The following NCKAP5 variants were observed in gnomAD, a reference collection of about 807,000 sequenced individuals.
NCKAP5 encodes the protein NCK associated protein 5.
A neutral mutation model predicts 167.0 loss-of-function variants in NCKAP5; 92 were observed. That is an observed-to-expected ratio of 0.55 (90% CI 0.47 to 0.66). NCKAP5 has a LOEUF of 0.66. Among genes scored for constraint, NCKAP5 ranks in the 30% least tolerant of loss-of-function variants. The probability of loss-of-function intolerance (pLI) is 0.00; values close to 1 mark genes in which losing one functional copy is unlikely to be tolerated. For missense variants in NCKAP5, 2,378 were observed against 2,315.0 expected (o/e 1.03, Z -0.56); for synonymous variants, 891 against 877.4 (o/e 1.02, Z -0.27).
chr2:133,138,522 C>T (rs553049444), intron 5 of NCKAP5, among the ~76,000 whole-genome samples: 8 of 152,138 alleles, frequency 5.3e-5, no homozygotes, highest in Admixed American at 5.2e-4. Context: ...TTTCATCAGT[C>T]TAAGTGTCAT....
chr2:133,533,223 T>C (rs535151769), intron 2 of NCKAP5, among the ~76,000 whole-genome samples: 15 of 152,306 alleles, frequency 9.8e-5, no homozygotes, highest in African/African-American at 3.6e-4. Context: ...GCAGGACCCA[T>C]GCAAAAAGGG....
rs1156345558 is a variant in NCKAP5 at position 133,178,810 on chromosome 2, G to A, written c.207+34906C>T. ...ACTGCACTCCAGCCTGGGCAACAGA[G>A]CAAGGCAAGACTCCGTCTCAAAAAA... On this transcript the variant is annotated intron_variant, in intron 5 of 19. Transcript: ENST00000409261. 2.6e-5 allele frequency among the ~76,000 whole-genome samples: 3 copies of A among 117,506 alleles called. No homozygotes were observed. In the Admixed American group the frequency reaches 3.5e-4, roughly 14 times the overall value. The allele number at this position is 117,506 out of a possible 152,430, so 77.1% of individuals were successfully genotyped here.
chr2:133,599,524 G>C, the NCKAP5 span, among the ~76,000 whole-genome samples: 1 of 152,216 alleles, frequency 6.6e-6, no homozygotes, highest in Non-Finnish European at 1.5e-5. Context: ...TGGCTAAAGA[G>C]AAGCATTTAC....
intron 3 of NCKAP5, among the ~76,000 whole-genome samples, chr2:133,436,631 C>G (rs1418892973): frequency 3.3e-5 from 5 of 152,170 alleles, no homozygotes; most frequent in Admixed American, 2.0e-4. Flanking sequence ...GTGACCTCTT[C>G]TTTGCTCAGA....
intron 8 of NCKAP5, among the ~76,000 whole-genome samples, chr2:132,935,089 A>AAGG (rs1157997007): frequency 2.6e-5 from 4 of 152,202 alleles, no homozygotes; most frequent in Non-Finnish European, 4.4e-5. Flanking sequence ...TAGGTCCATG[A>AAGG]AGGTATCTGG....
chr2:133,642,364 G>A, the NCKAP5 span, among the ~76,000 whole-genome samples: 11,706 of 152,112 alleles, frequency 0.077, 515 homozygotes, highest in Non-Finnish European at 0.098. Context: ...ATAGCACCTG[G>A]TTTAACCTTT....
chr2:133,367,674 A>G (rs1341539966), intron 3 of NCKAP5, among the ~76,000 whole-genome samples: 1 of 152,196 alleles, frequency 6.6e-6, no homozygotes, highest in Non-Finnish European at 1.5e-5. Flanking sequence ...CCTATATATT[A>G]TGAAACACCC....
intron 16 of NCKAP5, among the ~76,000 whole-genome samples, chr2:132,753,618 A>T (rs1680294264): frequency 6.6e-6 from 1 of 152,160 alleles, no homozygotes; most frequent in Non-Finnish European, 1.5e-5. Context: ...TGTACCTTCC[A>T]CCTGTAGAAA....
intron 19 of NCKAP5, among the ~76,000 whole-genome samples, chr2:132,721,608 T>G (rs1260032646): frequency 6.6e-6 from 1 of 152,232 alleles, no homozygotes; most frequent in Admixed American, 6.5e-5. Flanking sequence ...TTTCTCCTGT[T>G]TCTATTTTCT....
chr2:133,581,650 G>C, the NCKAP5 span, among the ~76,000 whole-genome samples: 1 of 152,180 alleles, frequency 6.6e-6, no homozygotes. Context: ...ACTGACCACA[G>C]TGAGGTGTCT....
chr2:133,044,090 G>A (rs2079305941), intron 6 of NCKAP5, among the ~76,000 whole-genome samples: 1 of 152,054 alleles, frequency 6.6e-6, no homozygotes, highest in Admixed American at 6.6e-5. Context: ...AAAAAGATAG[G>A]CTGCCCAGTA....
chr2:133,212,668 G>A (rs1475436294), intron 5 of NCKAP5, among the ~76,000 whole-genome samples: 4 of 152,120 alleles, frequency 2.6e-5, no homozygotes, highest in Non-Finnish European at 4.4e-5. Context: ...ACACCCAGCC[G>A]TGAATGTTTC....
chr2:132,798,652 A>G (rs988671968), intron 11 of NCKAP5, among the ~76,000 whole-genome samples: 1 of 152,144 alleles, frequency 6.6e-6, no homozygotes, highest in African/African-American at 2.4e-5. Context: ...GCCCTCCTCA[A>G]GGCTGTTTCA....
intron 2 of NCKAP5, among the ~76,000 whole-genome samples, chr2:133,547,511 C>A (rs200552652): frequency 6.6e-6 from 1 of 151,782 alleles, no homozygotes. Flanking sequence ...GTGGTTCTCC[C>A]AGCATGCAGC....
intron 8 of NCKAP5, among the ~76,000 whole-genome samples, chr2:132,922,990 A>G (rs1454787414): frequency 2.0e-5 from 3 of 152,196 alleles, no homozygotes; most frequent in Non-Finnish European, 4.4e-5. Context: ...AATCAACACA[A>G]CTGCATCTTC....
At chr2:133,241,756 G>A (rs2150300632) in intron 4 of NCKAP5, among the ~76,000 whole-genome samples, 1 of 152,242 alleles carries the variant, frequency 6.6e-6, no homozygotes, top group East Asian at 1.9e-4. Flanking sequence ...GCCTTCTCCA[G>A]GCTTGTCTCT....
intron 6 of NCKAP5, among the ~76,000 whole-genome samples, chr2:133,012,511 G>T (rs751501869): frequency 6.6e-6 from 1 of 152,188 alleles, no homozygotes; most frequent in Non-Finnish European, 1.5e-5. Flanking sequence ...GCCTCCCAAA[G>T]TGCTGGGATT....
intron 3 of NCKAP5, among the ~76,000 whole-genome samples, chr2:133,342,737 C>T (rs896670362): frequency 6.6e-6 from 1 of 152,184 alleles, no homozygotes; most frequent in Non-Finnish European, 1.5e-5. Flanking sequence ...CTCTAATGTG[C>T]TCAGAGACAA....
chr2:133,658,862 C>T, the NCKAP5 span, among the ~76,000 whole-genome samples: 1 of 151,930 alleles, frequency 6.6e-6, no homozygotes, highest in Non-Finnish European at 1.5e-5. Flanking sequence ...TGCCTTGCAA[C>T]CCGAAATACT....
Sources: allele counts gnomAD v4.1 joint callset (sites outside exome capture counted in the v4.1 genomes callset), GRCh38; gene constraint gnomAD v4.1.1; transcripts MANE v1.5; gene names NCBI Gene and HGNC (gene_info 2026-07-23, HGNC 2026-07-21).